MBD5: variants seen among roughly 807,000 people sequenced by gnomAD.
MBD5 encodes the protein methyl-CpG-binding domain protein 5.
Under a neutral mutation model 117.3 loss-of-function variants are expected in MBD5, and 13 were observed. The observed-to-expected ratio is 0.11, with a 90% confidence interval of 0.07 to 0.18. MBD5 has a LOEUF of 0.18. MBD5 is among the 10% of genes least tolerant of loss of function. MBD5 has a pLI of 1.00. For missense variants in MBD5, 1,879 were observed against 2,093.8 expected (o/e 0.90, Z 2.00); for synonymous variants, 727 against 766.4 (o/e 0.95, Z 0.85).
intron 2 of MBD5, among the ~76,000 whole-genome samples, chr2:148,231,060 G>A (rs1699970826): frequency 6.6e-6 from 1 of 152,142 alleles, no homozygotes; most frequent in Non-Finnish European, 1.5e-5. Context: ...TGGTGTCTCA[G>A]TAAGTCACAT....
rs527893461 is a variant in MBD5, at chr2:148,402,962, G to A, written c.-556-55241G>A. ...CATTTTATTTTCAGTTTCATTTCTC[G>A]CTCTGTTTCATTTTGGATAGTTTCT... On this transcript the variant is annotated intron_variant, in intron 4 of 13. Coordinates refer to ENST00000642680, the MANE Select transcript of MBD5 (RefSeq NM_001378120.1). Among the ~76,000 whole-genome samples, 8 of 151,314 alleles carry A rather than the reference G, an allele frequency of 5.3e-5. No individual in the cohort carries two copies. The East Asian group carries it at 1.4e-3, about 26-fold the overall frequency.
At position 148,364,825 on chromosome 2, in the gene MBD5, C is replaced by G. The variant is rs569739827; in HGVS notation, c.-557+22489C>G. ...AATATATATGCACCCAATAGGGGAGCACCCAGATTCATAAAGCAAGTTCTT... is the reference window on the plus strand; with the variant it reads ...AATATATATGCACCCAATAGGGGAGGACCCAGATTCATAAAGCAAGTTCTT... On this transcript the variant is annotated intron_variant, in intron 4 of 13. Coordinates refer to ENST00000642680, the MANE Select transcript of MBD5 (RefSeq NM_001378120.1). Among the ~76,000 whole-genome samples the G allele has an allele frequency of 1.6e-4, 25 of 152,244 alleles. 1 individual carries two copies. Among genetic ancestry groups the G allele is most frequent in the Middle Eastern group, 3.4e-3 (1 of 294 alleles).
intron 4 of MBD5, among the ~76,000 whole-genome samples, chr2:148,425,821 T>C (rs1705762556): frequency 6.6e-6 from 1 of 152,184 alleles, no homozygotes; most frequent in Non-Finnish European, 1.5e-5. Context: ...AAAAGACCTT[T>C]GATAAAATTC....
intron 1 of MBD5, among the ~76,000 whole-genome samples, chr2:148,118,612 A>G (rs1042479993): frequency 2.6e-5 from 4 of 151,784 alleles, no homozygotes; most frequent in African/African-American, 7.3e-5. Context: ...AAAAACTATT[A>G]AAATTCATCA....
At chr2:148,163,834 A>G (rs929990205) in intron 1 of MBD5, among the ~76,000 whole-genome samples, 1 of 152,310 alleles carries the variant, frequency 6.6e-6, no homozygotes, top group Non-Finnish European at 1.5e-5. Context: ...ATTAGACTTT[A>G]TAAAGTTGAG....
intron 1 of MBD5, among the ~76,000 whole-genome samples, chr2:148,048,869 C>T (rs1694616106): frequency 6.6e-6 from 1 of 152,036 alleles, no homozygotes; most frequent in Non-Finnish European, 1.5e-5. Context: ...TGAGATAAGC[C>T]TCTCTGTGAA....
At chr2:148,473,824 T>C (rs1680873227) in intron 8 of MBD5, among the ~76,000 whole-genome samples, 1 of 152,228 alleles carries the variant, frequency 6.6e-6, no homozygotes, top group Non-Finnish European at 1.5e-5. Context: ...TTCTACTTTG[T>C]GTTTTCAAGT....
chr2:148,386,230 A>T (rs1704356756), intron 4 of MBD5, among the ~76,000 whole-genome samples: 1 of 152,208 alleles, frequency 6.6e-6, no homozygotes, highest in Non-Finnish European at 1.5e-5. Flanking sequence ...AAAGAGCAGA[A>T]ATTAATGAAA....
At chr2:148,185,488 G>C (rs1698632327) in intron 2 of MBD5, among the ~76,000 whole-genome samples, 1 of 152,124 alleles carries the variant, frequency 6.6e-6, no homozygotes, top group Admixed American at 6.5e-5. Context: ...GTATTATCAA[G>C]AACTATTTAA....
intron 3 of MBD5, among the ~76,000 whole-genome samples, chr2:148,285,668 T>A (rs1381973715): frequency 2.0e-5 from 3 of 152,180 alleles, no homozygotes; most frequent in Admixed American, 6.5e-5. Context: ...TATCTGAGAA[T>A]AATATGCCCA....
At chr2:148,383,102 T>A (rs993256306) in intron 4 of MBD5, among the ~76,000 whole-genome samples, 4 of 151,646 alleles carry the variant, frequency 2.6e-5, no homozygotes, top group East Asian at 1.9e-4. Context: ...AAATAACTAA[T>A]ATCAGAGCAG....
At chr2:148,506,920 C>T (rs1008615078) in intron 12 of MBD5, among the ~76,000 whole-genome samples, 1 of 152,192 alleles carries the variant, frequency 6.6e-6, no homozygotes, top group African/African-American at 2.4e-5. Context: ...TTTTCTTCCT[C>T]TTTTAAGTTC....
intron 3 of MBD5, among the ~76,000 whole-genome samples, chr2:148,304,873 TAAA>T (rs1701854140): frequency 6.6e-6 from 1 of 151,716 alleles, no homozygotes; most frequent in Non-Finnish European, 1.5e-5. Context: ...CCATCCCGGC[TAAA>T]AAAACGGTGA....
intron 1 of MBD5, among the ~76,000 whole-genome samples, chr2:148,095,855 C>T (rs1208599091): frequency 6.6e-6 from 1 of 151,558 alleles, no homozygotes; most frequent in Non-Finnish European, 1.5e-5. Flanking sequence ...AGCTATAAAG[C>T]CACCTTAAAC....
At chr2:148,379,875 AATAAAT>A (rs1228698572) in intron 4 of MBD5, among the ~76,000 whole-genome samples, 2 of 152,192 alleles carry the variant, frequency 1.3e-5, no homozygotes, top group African/African-American at 4.8e-5. Context: ...GTTTCAAACA[AATAAAT>A]ATAAATTTTG....
At chr2:148,267,207 CAG>C (rs1700879425) in intron 3 of MBD5, among the ~76,000 whole-genome samples, 1 of 151,848 alleles carries the variant, frequency 6.6e-6, no homozygotes, top group Admixed American at 6.6e-5. Context: ...CCACAGTAGA[CAG>C]ATAAAAAAAG....
Position 148,340,873 on chromosome 2 carries a change from CACAT to C in MBD5, c.-679-1339_-679-1336del, listed in dbSNP as rs1206669864. ...ACACACACACACACACACACACACACACATAGCATTTATTATTGAAACTGATACT... is the reference window on the plus strand; with the variant it reads ...ACACACACACACACACACACACACACAGCATTTATTATTGAAACTGATACT... On this transcript the variant is annotated intron_variant, in intron 3 of 13. Coordinates refer to ENST00000642680, the MANE Select transcript of MBD5 (RefSeq NM_001378120.1). Among the ~76,000 whole-genome samples the C allele has an allele frequency of 5.0e-3, 707 of 141,182 alleles. 3 individuals are homozygous for C. The highest frequency in any genetic ancestry group is 0.018 in the Middle Eastern group (5 of 272). 92.6% of individuals were successfully genotyped at this position (141,182 alleles called of 152,430 possible).
chr2:148,028,051 C>A (rs1021730882), intron 1 of MBD5: 27 of 152,006 alleles, frequency 1.8e-4, no homozygotes, highest in African/African-American at 6.0e-4. Flanking sequence ...TATAACTCTT[C>A]AAAGAGACAG....
intron 3 of MBD5, among the ~76,000 whole-genome samples, chr2:148,237,487 C>T (rs74677068): frequency 0.094 from 14,327 of 152,064 alleles, 750 homozygotes; most frequent in South Asian, 0.16. Context: ...GGGAGAGAGA[C>T]GGGGAAACAG....
Sources: gnomAD v4.1 joint callset for allele counts (sites outside exome capture counted in the v4.1 genomes callset) on GRCh38, gnomAD v4.1.1 for gene constraint, MANE v1.5 for transcripts, NCBI Gene and HGNC (gene_info 2026-07-23, HGNC 2026-07-21) for gene names.